TINAG: variants seen among roughly 807,000 people sequenced by gnomAD.
The protein encoded by TINAG is tubulointerstitial nephritis antigen.
In TINAG, 83 loss-of-function variants were observed where a neutral mutation model predicts 72.7. The ratio of observed to expected loss-of-function variants is 1.14; its 90% CI spans 0.96 to 1.37. TINAG has a LOEUF of 1.37. TINAG is among the 40% of genes most tolerant of loss of function. The probability of loss-of-function intolerance (pLI) is 0.00; values close to 1 mark genes in which losing one functional copy is unlikely to be tolerated. For synonymous variants in TINAG, 234 were observed against 189.9 expected (o/e 1.23, Z -1.91); for missense variants, 685 against 576.6 (o/e 1.19, Z -1.93).
intron 9 of TINAG, among the ~76,000 whole-genome samples, chr6:54,379,570 T>G (rs1386584317): frequency 6.6e-6 from 1 of 152,068 alleles, no homozygotes; most frequent in Non-Finnish European, 1.5e-5. Context: ...TATTTTTACA[T>G]AAACTACAAA....
intron 10 of TINAG, among the ~76,000 whole-genome samples, chr6:54,387,762 C>T (rs535506325): frequency 5.9e-5 from 9 of 152,232 alleles, no homozygotes; most frequent in African/African-American, 2.2e-4. Flanking sequence ...ATTTTCTCCC[C>T]TTCATTGCCA....
At chr6:54,360,506 C>T (rs1198204706) in intron 9 of TINAG, among the ~76,000 whole-genome samples, 2 of 151,526 alleles carry the variant, frequency 1.3e-5, no homozygotes, top group Non-Finnish European at 3.0e-5. Context: ...CAATATTCTC[C>T]ATATTATGGT....
intron 9 of TINAG, among the ~76,000 whole-genome samples, chr6:54,363,662 G>A (rs1763314744): frequency 6.6e-6 from 1 of 150,424 alleles, no homozygotes; most frequent in Non-Finnish European, 1.5e-5. Context: ...TCTCACAGGA[G>A]AGAGAAAAGT....
At chr6:54,360,459 A>G (rs1417094775) in intron 9 of TINAG, among the ~76,000 whole-genome samples, 1 of 151,706 alleles carries the variant, frequency 6.6e-6, no homozygotes, top group Admixed American at 6.6e-5. Flanking sequence ...GTGTTTTACT[A>G]TCAACAAAAT....
At chr6:54,372,771 T>TATAC (rs1554209171) in intron 9 of TINAG, among the ~76,000 whole-genome samples, 6 of 140,138 alleles carry the variant, frequency 4.3e-5, no homozygotes, top group South Asian at 2.3e-4. Flanking sequence ...TATATATATA[T>TATAC]ACACACACAC....
At chr6:54,333,552 C>G (rs1388533180) in intron 4 of TINAG, among the ~76,000 whole-genome samples, 3 of 151,748 alleles carry the variant, frequency 2.0e-5, no homozygotes, top group Non-Finnish European at 4.4e-5. Context: ...ACCACCATGG[C>G]ACATGTATAC....
chr6:54,373,325 A>G (rs965702008), intron 9 of TINAG, among the ~76,000 whole-genome samples: 1 of 152,032 alleles, frequency 6.6e-6, no homozygotes, highest in Non-Finnish European at 1.5e-5. Flanking sequence ...ACCTCCTTAC[A>G]TTATTTGATG....
chr6:54,381,138 A>T (rs1763936951), intron 10 of TINAG, among the ~76,000 whole-genome samples: 1 of 149,796 alleles, frequency 6.7e-6, no homozygotes, highest in Non-Finnish European at 1.5e-5. Context: ...ATATATACAC[A>T]CATATGTGTA....
At chr6:54,374,699 T>C (rs1229084596) in intron 9 of TINAG, among the ~76,000 whole-genome samples, 1 of 152,080 alleles carries the variant, frequency 6.6e-6, no homozygotes, top group East Asian at 1.9e-4. Context: ...ATATCCAGTG[T>C]AGTTGTATCA....
chr6:54,347,175 C>A (rs1474355088), intron 5 of TINAG, among the ~76,000 whole-genome samples, 192 bp from the exon 6 acceptor site: 1 of 151,744 alleles, frequency 6.6e-6, no homozygotes, highest in Non-Finnish European at 1.5e-5. Flanking sequence ...CAAAATAGGA[C>A]AAAAATTATA....
chr6:54,358,972 G>A (rs753595675), intron 9 of TINAG, among the ~76,000 whole-genome samples: 2 of 151,792 alleles, frequency 1.3e-5, no homozygotes, highest in Non-Finnish European at 2.9e-5. Context: ...TTCCTATTCA[G>A]GTCCAGTGGT....
chr6:54,338,556 C>A (rs1296201193), intron 4 of TINAG, among the ~76,000 whole-genome samples: 1 of 151,776 alleles, frequency 6.6e-6, no homozygotes, highest in African/African-American at 2.4e-5. Context: ...CCCGTTTGTA[C>A]TAAAAATACG....
chr6:54,354,423 T>G, intron 8 of TINAG, 90 bp from the exon 9 acceptor site: 1 of 1,205,940 alleles, frequency 8.3e-7, no homozygotes, highest in Non-Finnish European at 1.2e-6. Context: ...CCTTGCAATT[T>G]ACCCATTGGT....
At chr6:54,314,270 G>A (rs928572044) in intron 1 of TINAG, among the ~76,000 whole-genome samples, 2 of 152,154 alleles carry the variant, frequency 1.3e-5, no homozygotes, top group Non-Finnish European at 2.9e-5. Flanking sequence ...GCTCCATGCA[G>A]CCTTCTGCTT....
intron 10 of TINAG, among the ~76,000 whole-genome samples, chr6:54,385,368 G>C (rs1361051182): frequency 6.6e-6 from 1 of 151,728 alleles, no homozygotes; most frequent in Non-Finnish European, 1.5e-5. Context: ...TTATTAAAAA[G>C]TTATGCCAGT....
rs754877769 is a variant in TINAG, at chr6:54,343,320, G to T, written c.719G>T (p.Cys240Phe). The change falls in exon 5 of 11, where the codon TGT becomes TTT. Residue 240 changes from cysteine to phenylalanine, a missense_variant. Transcript: ENST00000259782. ...CATGGCCCATTGGATCAAAAAAATT[G>T]TGCTGCATCCTGGGCATTTTCCACT... ...WTHGPLDQKNCAASWAFSTAS... is the reference protein window; with the variant it reads ...WTHGPLDQKNFAASWAFSTAS... 1.5e-5 allele frequency: 23 copies of T among 1,562,742 alleles called. No individual in the cohort carries two copies. Among genetic ancestry groups the T allele is most frequent in the Middle Eastern group, 3.4e-4 (2 of 5,922 alleles).
At chr6:54,318,740 T>C (rs1784426189) in intron 1 of TINAG, among the ~76,000 whole-genome samples, 1 of 152,114 alleles carries the variant, frequency 6.6e-6, no homozygotes, top group South Asian at 2.1e-4. Flanking sequence ...AAATGAGGGA[T>C]CCGTTGGAGT....
chr6:54,380,874 C>T (rs1404760012), intron 10 of TINAG, among the ~76,000 whole-genome samples: 1 of 150,604 alleles, frequency 6.6e-6, no homozygotes, highest in Non-Finnish European at 1.5e-5. Context: ...ATTGATCAAA[C>T]TTCCCTCATA....
At chr6:54,378,233 A>AT (rs1270073177) in intron 9 of TINAG, among the ~76,000 whole-genome samples, 2 of 152,050 alleles carry the variant, frequency 1.3e-5, no homozygotes, top group African/African-American at 4.8e-5. Context: ...CCTTTTGTTA[A>AT]TTTTTTTATA....
Sources: allele counts gnomAD v4.1 joint callset (sites outside exome capture counted in the v4.1 genomes callset), GRCh38; gene constraint gnomAD v4.1.1; transcripts MANE v1.5; gene names NCBI Gene and HGNC (gene_info 2026-07-23, HGNC 2026-07-21).